NT5C3A: variants seen among roughly 807,000 people sequenced by gnomAD.
NT5C3A encodes the protein 5'-nucleotidase, cytosolic IIIA.
A neutral mutation model predicts 40.0 loss-of-function variants in NT5C3A; 23 were observed. The observed-to-expected ratio is 0.58, with a 90% CI of 0.41 to 0.81. The LOEUF (loss-of-function observed/expected upper bound fraction) is 0.81. Among genes scored for constraint, NT5C3A ranks in the 40% least tolerant of loss-of-function variants. The probability of loss-of-function intolerance (pLI) is 0.00; values close to 1 mark genes in which losing one functional copy is unlikely to be tolerated. For synonymous variants in NT5C3A, 130 were observed against 141.4 expected, an observed-to-expected ratio of 0.92 and a Z score of 0.57; for missense variants, 328 against 403.0, an observed-to-expected ratio of 0.81 and a Z score of 1.59.
intron 1 of NT5C3A, among the ~76,000 whole-genome samples, chr7:33,044,033 CT>C (rs535266743): frequency 4.2e-5 from 6 of 143,672 alleles, no homozygotes; most frequent in East Asian, 4.0e-4. Context: ...TTTTTTTTTT[CT>C]TTTTTTTTTG....
chr7:33,040,433 C>T (rs2128009522), intron 1 of NT5C3A, among the ~76,000 whole-genome samples: 1 of 152,212 alleles, frequency 6.6e-6, no homozygotes, highest in East Asian at 1.9e-4. Context: ...CTCACATGCA[C>T]AAAATAAAAA....
chr7:33,050,359 G>A (rs1458968302), intron 1 of NT5C3A, among the ~76,000 whole-genome samples: 1 of 152,114 alleles, frequency 6.6e-6, no homozygotes, highest in Non-Finnish European at 1.5e-5. Flanking sequence ...TTTCTATTTT[G>A]CAACATTTTG....
chr7:33,041,562 A>C (rs1171429413), intron 1 of NT5C3A, among the ~76,000 whole-genome samples: 3 of 152,166 alleles, frequency 2.0e-5, no homozygotes, highest in East Asian at 1.9e-4. Flanking sequence ...TGGTCAAAAA[A>C]CTGTTAATAG....
Position 33,041,243 on chromosome 7 carries a change from T to C in NT5C3A, c.139-14328A>G, listed in dbSNP as rs966060557. The C allele has an allele frequency of 2.1e-5, 11 of 519,222 alleles. No individual in the cohort carries two copies. In the South Asian group the frequency reaches 6.7e-4, roughly 32 times the overall value. 32.2% of individuals were successfully genotyped at this position (519,222 alleles called of 1,614,324 possible). On this transcript the variant is annotated intron_variant, in intron 1 of 8. Coordinates refer to ENST00000610140, the MANE Select transcript of NT5C3A (RefSeq NM_001002010.5). ...GTGGTTTGTCAGTGTACTTCTGATATGTGAACTTTTCTGTATATTCTATTT... is the reference window on the plus strand; with the variant it reads ...GTGGTTTGTCAGTGTACTTCTGATACGTGAACTTTTCTGTATATTCTATTT...
chr7:33,052,977 A>C (rs966586313), intron 1 of NT5C3A, among the ~76,000 whole-genome samples: 2 of 152,158 alleles, frequency 1.3e-5, no homozygotes, highest in Admixed American at 6.5e-5. Context: ...CTGTATTTCA[A>C]AATAAGGTTT....
At chr7:33,056,630 T>A (rs939311784) in intron 1 of NT5C3A, among the ~76,000 whole-genome samples, 10 of 151,938 alleles carry the variant, frequency 6.6e-5, no homozygotes, top group African/African-American at 2.2e-4. Context: ...CATGATCGCT[T>A]CATTGCACTC....
chr7:33,053,857 T>G (rs1412071016), intron 1 of NT5C3A, among the ~76,000 whole-genome samples: 1 of 152,214 alleles, frequency 6.6e-6, no homozygotes, highest in Admixed American at 6.5e-5. Flanking sequence ...GAGCTGTTTC[T>G]AGCTAATATA....
chr7:33,035,896 C>T, intron 1 of NT5C3A: 1 of 1,528,506 alleles, frequency 6.5e-7, no homozygotes. Flanking sequence ...TGAAGATTTA[C>T]CATTAATAAA....
At chr7:33,036,905 G>A (rs903750310) in intron 1 of NT5C3A, among the ~76,000 whole-genome samples, 7 of 151,946 alleles carry the variant, frequency 4.6e-5, no homozygotes, top group Non-Finnish European at 1.0e-4. Flanking sequence ...TCTGATTCCC[G>A]GGTTCAAGTG....
chr7:33,021,341 T>C lies in NT5C3A; in HGVS notation c.371A>G (p.Glu124Gly), dbSNP rs1375591598. ...ECRKKLLQLK[E>G]KYYAIEVDPV... ...ATCAACTTCAATAGCGTAATATTTT[T>C]CCTTTAGTTGCAATAACTAGGAAGA... The change falls in exon 5 of 9, where the codon GAA (glutamate) becomes GGA (glycine). Residue 124 changes from glutamate (E) to glycine (G), a missense_variant. Physicochemically the swap from Glu to Gly is moderately conservative, Grantham distance 98 (BLOSUM62 -2). Coordinates refer to ENST00000610140, the MANE Select transcript of NT5C3A (RefSeq NM_001002010.5). The C allele has an allele frequency of 6.2e-7, 1 of 1,611,052 alleles. No individual in the cohort carries two copies. The highest frequency in any genetic ancestry group is 1.3e-5 in the African/African-American group (1 of 74,858).
intron 2 of NT5C3A, 40 bp downstream of exon 2, chr7:33,026,777 A>G: frequency 7.3e-7 from 1 of 1,370,352 alleles, no homozygotes; most frequent in South Asian, 1.2e-5. Flanking sequence ...TACAGGCATG[A>G]GCCAACACAC....
chr7:33,041,744 A>T lies in NT5C3A; in HGVS notation c.139-14829T>A, dbSNP rs72555723. On this transcript the variant is annotated intron_variant, in intron 1 of 8. Transcript: ENST00000610140. ...GTCCAACTGTCATGAAGAAAAAAAAATTTTTTTTTTTAAAAGAGAACTAGT... is the reference window on the plus strand; with the variant it reads ...GTCCAACTGTCATGAAGAAAAAAAATTTTTTTTTTTTAAAAGAGAACTAGT... Among the ~76,000 whole-genome samples, 34 of 150,316 alleles carry T rather than the reference A, an allele frequency of 2.3e-4. No homozygotes were observed. The East Asian group carries it at 2.3e-3, about 10-fold the overall frequency.
At chr7:33,033,543 G>A (rs1022962969) in intron 1 of NT5C3A, among the ~76,000 whole-genome samples, 10 of 152,076 alleles carry the variant, frequency 6.6e-5, no homozygotes, top group Non-Finnish European at 1.3e-4. Flanking sequence ...CTCTAATGTG[G>A]ATTAAAAAAT....
chr7:33,028,587 C>G (rs569271514), intron 1 of NT5C3A, among the ~76,000 whole-genome samples: 2 of 152,202 alleles, frequency 1.3e-5, no homozygotes, highest in African/African-American at 4.8e-5. Flanking sequence ...TAACATAGTT[C>G]ATGTGTGTCA....
chr7:33,035,130 A>ACTTAAAGGTAAGATTAC (rs1235148937), intron 1 of NT5C3A, among the ~76,000 whole-genome samples: 1 of 149,974 alleles, frequency 6.7e-6, no homozygotes. Context: ...TTTCACACCC[A>ACTTAAAGGTAAGATTAC]TTTCTTAAAG....
chr7:33,042,266 G>A (rs1414675988), intron 1 of NT5C3A, among the ~76,000 whole-genome samples: 1 of 151,924 alleles, frequency 6.6e-6, no homozygotes, highest in Non-Finnish European at 1.5e-5. Context: ...GGAGGCGGAG[G>A]TTGCAGTGAG....
At chr7:33,054,716 A>T (rs1370337984) in intron 1 of NT5C3A, among the ~76,000 whole-genome samples, 1 of 152,232 alleles carries the variant, frequency 6.6e-6, no homozygotes, top group Non-Finnish European at 1.5e-5. Flanking sequence ...TGGCTAAAAC[A>T]AATTTGTGTA....
chr7:33,030,882 G>C (rs6965241), intron 1 of NT5C3A, among the ~76,000 whole-genome samples: 1 of 150,466 alleles, frequency 6.6e-6, no homozygotes, highest in Non-Finnish European at 1.5e-5. Context: ...GGCGGATCAC[G>C]AGGTCAGGAG....
At chr7:33,042,337 C>CA (rs1380696312) in intron 1 of NT5C3A, among the ~76,000 whole-genome samples, 1 of 151,398 alleles carries the variant, frequency 6.6e-6, no homozygotes, top group African/African-American at 2.4e-5. Flanking sequence ...TCAAAAAAAA[C>CA]AAAAAACAAA....
Sources: allele counts gnomAD v4.1 joint callset (sites outside exome capture counted in the v4.1 genomes callset), GRCh38; gene constraint gnomAD v4.1.1; transcripts MANE v1.5; gene names NCBI Gene and HGNC (gene_info 2026-07-23, HGNC 2026-07-21).